CACNA1D: variants seen among roughly 807,000 people sequenced by gnomAD.
The protein encoded by CACNA1D is voltage-dependent L-type calcium channel subunit alpha-1D.
A neutral mutation model predicts 257.1 loss-of-function variants in CACNA1D; 55 were observed. The ratio of observed to expected loss-of-function variants is 0.21; its 90% confidence interval spans 0.17 to 0.27. The LOEUF is 0.27. Among genes scored for constraint, CACNA1D ranks in the 10% least tolerant of loss-of-function variants. The probability of loss-of-function intolerance (pLI) is 1.00; values close to 1 mark genes in which losing one functional copy is unlikely to be tolerated. For synonymous variants in CACNA1D, 980 were observed against 1,014.9 expected, an observed-to-expected ratio of 0.97 and a Z score of 0.65; for missense variants, 1,876 against 2,784.0, an observed-to-expected ratio of 0.67 and a Z score of 7.34.
At chr3:53,531,573 A>G (rs977799379) in intron 3 of CACNA1D, among the ~76,000 whole-genome samples, 9 of 152,174 alleles carry the variant, frequency 5.9e-5, no homozygotes, top group Admixed American at 5.9e-4. Context: ...ATTTCTCTGG[A>G]TTGACCCCCC....
chr3:53,551,762 C>G (rs1473963900), intron 3 of CACNA1D, among the ~76,000 whole-genome samples: 1 of 152,216 alleles, frequency 6.6e-6, no homozygotes, highest in Non-Finnish European at 1.5e-5. Context: ...AGGCTGGACT[C>G]CTACCTAACA....
Position 53,808,778 on chromosome 3 carries a change from GC to G in CACNA1D, c.5871+11del. On this transcript the variant is annotated intron_variant, in intron 46 of 47. Coordinates refer to ENST00000350061, the MANE Select transcript of CACNA1D (RefSeq NM_001128840.3). The stretch of plus-strand genomic sequence containing the variant: ...CATCTAATGCAGCAACAGGTGAGCG[GC>G]CCACCTGGCCTTGCCCCCACACCTA... 6.2e-7 allele frequency: 1 copy of G among 1,604,788 alleles called. No individual in the cohort carries two copies.
chr3:53,639,016 A>C (rs2093917578), intron 3 of CACNA1D, among the ~76,000 whole-genome samples: 1 of 152,194 alleles, frequency 6.6e-6, no homozygotes, highest in East Asian at 1.9e-4. Context: ...AGTTTTCCCC[A>C]CCAGGTGGGT....
intron 34 of CACNA1D, among the ~76,000 whole-genome samples, chr3:53,775,162 A>G (rs2095389884): frequency 6.6e-6 from 1 of 152,218 alleles, no homozygotes; most frequent in African/African-American, 2.4e-5. Context: ...CTTTCTAGAG[A>G]TCATGAAGTA....
chr3:53,725,319 G>A (rs1159284237), intron 14 of CACNA1D, among the ~76,000 whole-genome samples: 1 of 152,096 alleles, frequency 6.6e-6, no homozygotes, highest in African/African-American at 2.4e-5. Flanking sequence ...TCCATGCGGT[G>A]GTAGATGTGC....
chr3:53,589,589 T>C (rs138460333), intron 3 of CACNA1D, among the ~76,000 whole-genome samples: 1 of 152,176 alleles, frequency 6.6e-6, no homozygotes, highest in Admixed American at 6.5e-5. Flanking sequence ...ATGACCCCGA[T>C]AACTAATGTG....
In CACNA1D at chr3:53,745,803, C is replaced by T; in HGVS notation, c.3115-20C>T. 6.2e-7 allele frequency: 1 copy of T among 1,611,122 alleles called. No individual in the cohort carries two copies. The highest frequency in any genetic ancestry group is 8.5e-7 in the Non-Finnish European group (1 of 1,177,190). On this transcript the variant is annotated intron_variant, in intron 24 of 47. Transcript: ENST00000350061. ...GGAGAAGCCTGCATTTACTTAACTG[C>T]CTGTCTATTTTATACCCAGGGGAAG...
At chr3:53,588,456 T>A (rs950931435) in intron 3 of CACNA1D, among the ~76,000 whole-genome samples, 7 of 152,048 alleles carry the variant, frequency 4.6e-5, no homozygotes, top group Non-Finnish European at 7.4e-5. Context: ...CTGGATGAAG[T>A]CTGGGGGAGT....
intron 4 of CACNA1D, among the ~76,000 whole-genome samples, chr3:53,658,121 AAACTTTTAAT>A (rs2108314948): frequency 6.6e-6 from 1 of 151,918 alleles, no homozygotes; most frequent in South Asian, 2.1e-4. Context: ...ACCTTGGGGT[AAACTTTTAAT>A]AACAATCTAG....
At position 53,801,442 on chromosome 3, in the gene CACNA1D, G is replaced by A. The variant is rs2095535248; in HGVS notation, c.5408+17G>A. On this transcript the variant is annotated intron_variant, in intron 42 of 47. Transcript: ENST00000350061. ...TGTGAAAAGGTAACCTTGACAATGTGTTTGGACTTGCTCATGTGGTGTCTG... is the reference window on the plus strand; with the variant it reads ...TGTGAAAAGGTAACCTTGACAATGTATTTGGACTTGCTCATGTGGTGTCTG... 6.2e-7 allele frequency: 1 copy of A among 1,613,040 alleles called. No individual in the cohort carries two copies. Among genetic ancestry groups the A allele is most frequent in the Non-Finnish European group, 8.5e-7 (1 of 1,179,990 alleles).
intron 3 of CACNA1D, among the ~76,000 whole-genome samples, chr3:53,598,178 A>AT (rs1048668816): frequency 1.7e-4 from 26 of 152,180 alleles, no homozygotes; most frequent in African/African-American, 6.3e-4. Context: ...AATTTTCAAT[A>AT]TTATACATTA....
At chr3:53,794,522 CT>C (rs2095499130) in intron 40 of CACNA1D, among the ~76,000 whole-genome samples, 1 of 152,114 alleles carries the variant, frequency 6.6e-6, no homozygotes, top group South Asian at 2.1e-4. Flanking sequence ...AGTGGGAATC[CT>C]AGATGGGGTA....
At chr3:53,737,563 C>T (rs1243498711) in intron 20 of CACNA1D, among the ~76,000 whole-genome samples, 2 of 152,134 alleles carry the variant, frequency 1.3e-5, no homozygotes, top group African/African-American at 4.8e-5. Context: ...TGGCTCATGC[C>T]TGTAATCCCA....
At chr3:53,695,028 T>G (rs2094561014) in intron 8 of CACNA1D, among the ~76,000 whole-genome samples, 1 of 152,218 alleles carries the variant, frequency 6.6e-6, no homozygotes, top group South Asian at 2.1e-4. Context: ...CTGCAGCCAT[T>G]TCTCGTGAAC....
At chr3:53,787,596 A>G (rs560318262) in intron 40 of CACNA1D, among the ~76,000 whole-genome samples, 5 of 152,046 alleles carry the variant, frequency 3.3e-5, no homozygotes, top group African/African-American at 1.2e-4. Context: ...GCAGGCTCCT[A>G]GAGTGTGGAT....
intron 37 of CACNA1D, among the ~76,000 whole-genome samples, chr3:53,779,020 C>T (rs1289748249): frequency 4.6e-5 from 7 of 152,156 alleles, no homozygotes; most frequent in Non-Finnish European, 7.4e-5. Flanking sequence ...TGCTTGGAGC[C>T]GGGCACGGTG....
chr3:53,736,276 A>C (rs1291150503), intron 20 of CACNA1D, among the ~76,000 whole-genome samples: 2 of 151,558 alleles, frequency 1.3e-5, no homozygotes, highest in Non-Finnish European at 2.9e-5. Flanking sequence ...AGGAGGTCAA[A>C]GCTGCAGCAA....
intron 3 of CACNA1D, among the ~76,000 whole-genome samples, chr3:53,567,832 G>A (rs2092874063): frequency 6.6e-6 from 1 of 152,170 alleles, no homozygotes; most frequent in African/African-American, 2.4e-5. Context: ...TGGCTGGATG[G>A]GCTTAGGCAG....
intron 3 of CACNA1D, among the ~76,000 whole-genome samples, chr3:53,567,889 C>T (rs1049281776): frequency 1.3e-5 from 2 of 152,142 alleles, no homozygotes; most frequent in African/African-American, 4.8e-5. Flanking sequence ...AGGCTTGCAT[C>T]AGGAATTCCT....
Sources: allele counts gnomAD v4.1 joint callset (sites outside exome capture counted in the v4.1 genomes callset), GRCh38; gene constraint gnomAD v4.1.1; transcripts MANE v1.5; gene names NCBI Gene and HGNC (gene_info 2026-07-23, HGNC 2026-07-21).